Variants in NRXN3 observed in about 807,000 individuals in gnomAD.
NRXN3 encodes neurexin 3, also known as neurexin III.
In NRXN3, 32 loss-of-function variants were observed where a neutral mutation model predicts 137.6. The observed-to-expected ratio is 0.23, with a 90% CI of 0.18 to 0.31. The LOEUF (loss-of-function observed/expected upper bound fraction) is 0.31, where lower values mean the gene tolerates loss of function less well. NRXN3 is among the 10% of genes least tolerant of loss of function. The probability of loss-of-function intolerance (pLI) is 1.00; values close to 1 mark genes in which losing one functional copy is unlikely to be tolerated. For missense variants in NRXN3, 1,574 were observed against 2,062.5 expected (o/e 0.76, Z 4.59); for synonymous variants, 798 against 784.5 (o/e 1.02, Z -0.29).
intron 15 of NRXN3, among the ~76,000 whole-genome samples, chr14:79,036,913 C>A (rs1487843015): frequency 1.3e-5 from 2 of 151,952 alleles, no homozygotes; most frequent in Non-Finnish European, 2.9e-5. Context: ...AATTTCCACC[C>A]ACTTCTCTTA....
chr14:79,100,596 C>G (rs1341165034), intron 15 of NRXN3, among the ~76,000 whole-genome samples: 1 of 152,146 alleles, frequency 6.6e-6, no homozygotes, highest in African/African-American at 2.4e-5. Context: ...TATTCCTGAA[C>G]AAATTTCCAT....
At chr14:79,338,232 TG>T (rs2092395789) in intron 15 of NRXN3, among the ~76,000 whole-genome samples, 2 of 150,998 alleles carry the variant, frequency 1.3e-5, no homozygotes, top group Admixed American at 1.3e-4. Context: ...TGTGTGTGTG[TG>T]TGTGTGTGTG....
At chr14:79,042,992 G>A (rs748116876) in intron 15 of NRXN3, among the ~76,000 whole-genome samples, 1 of 151,748 alleles carries the variant, frequency 6.6e-6, no homozygotes, top group African/African-American at 2.4e-5. Flanking sequence ...GCCCAATAAA[G>A]CTTCAGAACA....
intron 15 of NRXN3, among the ~76,000 whole-genome samples, chr14:79,361,827 G>A (rs1394236514): frequency 6.6e-6 from 1 of 152,072 alleles, no homozygotes; most frequent in African/African-American, 2.4e-5. Context: ...TACTTGGATT[G>A]TAGATATCAA....
intron 15 of NRXN3, among the ~76,000 whole-genome samples, chr14:79,359,501 T>C (rs1451001377): frequency 6.6e-6 from 1 of 152,170 alleles, no homozygotes; most frequent in Non-Finnish European, 1.5e-5. Flanking sequence ...ATGTAGGTTT[T>C]TCTATTCTGT....
intron 6 of NRXN3, among the ~76,000 whole-genome samples, chr14:78,664,328 T>C (rs1238439027): frequency 6.6e-6 from 1 of 152,158 alleles, no homozygotes; most frequent in African/African-American, 2.4e-5. Context: ...GAATGAACTT[T>C]CCCCTCCTCT....
At chr14:78,211,462 T>C (rs1371540729) in intron 1 of NRXN3, among the ~76,000 whole-genome samples, 2 of 152,248 alleles carry the variant, frequency 1.3e-5, no homozygotes, top group Non-Finnish European at 2.9e-5. Flanking sequence ...GGAGTGGAGT[T>C]GGGCCTTCTT....
chr14:79,050,478 T>C (rs540033358), intron 15 of NRXN3, among the ~76,000 whole-genome samples: 2 of 152,300 alleles, frequency 1.3e-5, no homozygotes, highest in African/African-American at 2.4e-5. Flanking sequence ...TTCATACTTA[T>C]AGAATATGCC....
intron 15 of NRXN3, among the ~76,000 whole-genome samples, chr14:79,310,772 T>C (rs1233421763): frequency 7.1e-5 from 9 of 126,044 alleles, no homozygotes; most frequent in Admixed American, 1.6e-4. Context: ...GTGATTTTTG[T>C]ACATTGATTT....
At chr14:78,219,797 G>T (rs765231616) in intron 1 of NRXN3, among the ~76,000 whole-genome samples, 13 of 152,178 alleles carry the variant, frequency 8.5e-5, no homozygotes, top group Non-Finnish European at 1.6e-4. Context: ...GTTAATTCTG[G>T]CTTGGAAGCA....
At chr14:78,239,390 A>G (rs2066779868) in intron 1 of NRXN3, among the ~76,000 whole-genome samples, 1 of 152,242 alleles carries the variant, frequency 6.6e-6, no homozygotes. Context: ...TTGGAGCTCA[A>G]TAAACAGTTG....
chr14:78,895,984 T>C (rs1007992232), intron 10 of NRXN3, among the ~76,000 whole-genome samples: 1 of 151,844 alleles, frequency 6.6e-6, no homozygotes, highest in Non-Finnish European at 1.5e-5. Flanking sequence ...ATCTCAGATA[T>C]AATAATAATG....
chr14:79,181,991 T>C (rs2062978691), intron 15 of NRXN3, among the ~76,000 whole-genome samples: 1 of 152,084 alleles, frequency 6.6e-6, no homozygotes, highest in Non-Finnish European at 1.5e-5. Flanking sequence ...TTTTGGGTGG[T>C]TGGGTTATAA....
chr14:79,718,029 G>A (rs1438311526), intron 19 of NRXN3, among the ~76,000 whole-genome samples: 1 of 152,076 alleles, frequency 6.6e-6, no homozygotes, highest in Non-Finnish European at 1.5e-5. Flanking sequence ...TCTGGGAGTG[G>A]GGGCAGAGAC....
intron 16 of NRXN3, among the ~76,000 whole-genome samples, chr14:79,510,168 G>T (rs1383210628): frequency 2.0e-5 from 3 of 152,182 alleles, no homozygotes; most frequent in Non-Finnish European, 2.9e-5. Flanking sequence ...TAGTCTAAGA[G>T]AATCAAAGTT....
chr14:78,276,015 A>T (rs540502452), intron 2 of NRXN3, among the ~76,000 whole-genome samples: 1 of 152,274 alleles, frequency 6.6e-6, no homozygotes, highest in Non-Finnish European at 1.5e-5. Flanking sequence ...GGGCCAGGTG[A>T]TAATGTGTCT....
At chr14:78,301,596 C>T (rs187604303) in intron 4 of NRXN3, among the ~76,000 whole-genome samples, 6 of 152,298 alleles carry the variant, frequency 3.9e-5, no homozygotes, top group African/African-American at 1.4e-4. Flanking sequence ...TTCCCTGTTT[C>T]CTCCCTAATT....
chr14:79,666,590 A>C (rs1477361863), intron 17 of NRXN3, among the ~76,000 whole-genome samples: 1 of 151,936 alleles, frequency 6.6e-6, no homozygotes, highest in Non-Finnish European at 1.5e-5. Context: ...CTAGGACAAG[A>C]TTTTTCTGTT....
intron 17 of NRXN3, among the ~76,000 whole-genome samples, chr14:79,683,330 C>G (rs1567878716): frequency 1.3e-5 from 2 of 151,650 alleles, no homozygotes; most frequent in Non-Finnish European, 2.9e-5. Flanking sequence ...AACCTGGGCT[C>G]ATTAAAAAAC....
Sources: gnomAD v4.1 joint callset for allele counts (sites outside exome capture counted in the v4.1 genomes callset) on GRCh38, gnomAD v4.1.1 for gene constraint, MANE v1.5 for transcripts, NCBI Gene and HGNC (gene_info 2026-07-23, HGNC 2026-07-21) for gene names.